The following SORCS1 variants were observed in gnomAD, a reference collection of about 807,000 sequenced individuals.
SORCS1 encodes VPS10 domain-containing receptor SorCS1.
In SORCS1, 60 loss-of-function variants were observed where a neutral mutation model predicts 146.1. That is an observed-to-expected ratio of 0.41 (90% confidence interval 0.33 to 0.51). SORCS1 has a LOEUF of 0.51. Among genes scored for constraint, SORCS1 ranks in the 20% least tolerant of loss-of-function variants. The pLI is 0.21. For synonymous variants in SORCS1, 637 were observed against 584.0 expected (o/e 1.09, Z -1.31); for missense variants, 1,352 against 1,487.6 (o/e 0.91, Z 1.50).
rs377282497 is a variant in SORCS1 at position 106,930,531 on chromosome 10, G to A, written c.626+25982C>T. Among the ~76,000 whole-genome samples the A allele has an allele frequency of 1.1e-4, 16 of 152,290 alleles. No homozygotes were observed. The South Asian group carries it at 2.7e-3, about 26-fold the overall frequency. Reference sequence around the variant, plus strand: ...AAGCTGGCATTGTATGTTCATGTGTGTATTTATGTATCTGAGCATCTCATT... The same window carrying A: ...AAGCTGGCATTGTATGTTCATGTGTATATTTATGTATCTGAGCATCTCATT... On this transcript the variant is annotated intron_variant, in intron 2 of 25. Coordinates refer to ENST00000263054, the MANE Select transcript of SORCS1 (RefSeq NM_052918.5).
At chr10:107,146,556 C>T (rs1968341112) in intron 1 of SORCS1, among the ~76,000 whole-genome samples, 1 of 152,138 alleles carries the variant, frequency 6.6e-6, no homozygotes, top group Admixed American at 6.5e-5. Context: ...AAATCCCCAG[C>T]ACCTGGTGTA....
At chr10:106,779,732 C>T (rs1860750253) in intron 3 of SORCS1, among the ~76,000 whole-genome samples, 1 of 152,036 alleles carries the variant, frequency 6.6e-6, no homozygotes, top group Non-Finnish European at 1.5e-5. Flanking sequence ...AGGTGATCTG[C>T]CTGCCTCAGC....
At position 107,060,628 on chromosome 10, in the gene SORCS1, C is replaced by A; in HGVS notation, c.558+103341G>T. On this transcript the variant is annotated intron_variant, in intron 1 of 25. Transcript: ENST00000263054. This position sits in a 1 kb window ranked among gnomAD's most constrained non-coding sequence, Gnocchi z 4.1. ...GCTGCCCAATCTATATCTTTGCCAA[C>A]AACCCTTTTCCCTTACTTTGTGATA... Among the ~76,000 whole-genome samples, 1 of 152,304 alleles carries A rather than the reference C, an allele frequency of 6.6e-6. No individual in the cohort carries two copies.
intron 2 of SORCS1, among the ~76,000 whole-genome samples, chr10:106,908,704 G>T (rs1390854806): frequency 6.6e-6 from 1 of 152,136 alleles, no homozygotes; most frequent in Non-Finnish European, 1.5e-5. Flanking sequence ...CATTAACAAT[G>T]GAGGAAGCCT....
At chr10:106,916,927 G>A (rs1208736473) in intron 2 of SORCS1, among the ~76,000 whole-genome samples, 1 of 152,076 alleles carries the variant, frequency 6.6e-6, no homozygotes, top group Non-Finnish European at 1.5e-5. Flanking sequence ...ATTTTTAGTA[G>A]AGACGGGGTT....
chr10:106,638,112 A>G (rs1848836740), intron 18 of SORCS1, among the ~76,000 whole-genome samples: 1 of 152,192 alleles, frequency 6.6e-6, no homozygotes, highest in Admixed American at 6.5e-5. Context: ...ATAATAAAGG[A>G]CATTGCTATA....
At chr10:106,723,964 T>G (rs1271674156) in intron 6 of SORCS1, among the ~76,000 whole-genome samples, 1 of 152,162 alleles carries the variant, frequency 6.6e-6, no homozygotes, top group East Asian at 1.9e-4. Context: ...AAAACAAATA[T>G]TTAATACCCT....
intron 14 of SORCS1, among the ~76,000 whole-genome samples, chr10:106,674,371 G>T (rs1259107948): frequency 7.7e-6 from 1 of 129,364 alleles, no homozygotes; most frequent in African/African-American, 2.7e-5. Context: ...GTAGTGGTAG[G>T]GGAGAGAATT....
intron 18 of SORCS1, among the ~76,000 whole-genome samples, chr10:106,645,922 T>A (rs1192726844): frequency 5.3e-5 from 8 of 152,136 alleles, no homozygotes; most frequent in Non-Finnish European, 1.0e-4. Flanking sequence ...TTTGAAATAA[T>A]GCCTTAAATA....
intron 1 of SORCS1, among the ~76,000 whole-genome samples, chr10:107,054,761 G>A (rs1005780169): frequency 6.6e-6 from 1 of 152,192 alleles, no homozygotes; most frequent in African/African-American, 2.4e-5. Flanking sequence ...AACCAGAGTT[G>A]TCTAAGTTGT....
rs760812204 is a variant in SORCS1 at position 106,891,504 on chromosome 10, C to CTTTTTTTTTT, written c.627-61841_627-61832dup. ...GTAATCAGAAGTTTCAATGGGAATT[C>CTTTTTTTTTT]TTTTTTTTTTTTTGAGAAAAGACCT... On this transcript the variant is annotated intron_variant, in intron 2 of 25. Coordinates refer to ENST00000263054, the MANE Select transcript of SORCS1 (RefSeq NM_052918.5). Among the ~76,000 whole-genome samples, 530 of 97,246 alleles carry CTTTTTTTTTT rather than the reference C, an allele frequency of 5.5e-3. 74 individuals are homozygous for CTTTTTTTTTT. The East Asian group carries it at 0.11, about 21-fold the overall frequency. 63.8% of individuals were successfully genotyped at this position (97,246 alleles called of 152,430 possible).
intron 2 of SORCS1, among the ~76,000 whole-genome samples, chr10:106,915,946 T>C (rs1589696921): frequency 6.6e-6 from 1 of 152,226 alleles, no homozygotes; most frequent in East Asian, 1.9e-4. Flanking sequence ...ATAAGAAAGG[T>C]GCAGGAAAAG....
intron 2 of SORCS1, among the ~76,000 whole-genome samples, chr10:106,880,416 A>C (rs1950764601): frequency 6.6e-6 from 1 of 152,222 alleles, no homozygotes; most frequent in South Asian, 2.1e-4. Flanking sequence ...AAGAGTTCCT[A>C]AATATGTCAC....
intron 5 of SORCS1, among the ~76,000 whole-genome samples, chr10:106,750,560 T>C (rs1361241934): frequency 4.8e-5 from 7 of 146,502 alleles, no homozygotes; most frequent in Non-Finnish European, 3.0e-5. Flanking sequence ...AAACCCCGTC[T>C]CTATTAAAAA....
chr10:107,157,779 CAG>C (rs1235665670), intron 1 of SORCS1, among the ~76,000 whole-genome samples: 21 of 152,314 alleles, frequency 1.4e-4, no homozygotes, highest in Admixed American at 1.1e-3. Flanking sequence ...ACAATCGGAG[CAG>C]AGTTTGAGCT....
At chr10:106,946,250 G>C (rs1360141576) in intron 2 of SORCS1, among the ~76,000 whole-genome samples, 1 of 152,162 alleles carries the variant, frequency 6.6e-6, no homozygotes. Context: ...AATAAGACCA[G>C]TTCTATTTTG....
intron 24 of SORCS1, among the ~76,000 whole-genome samples, chr10:106,586,745 C>A (rs1564746588): frequency 6.6e-6 from 1 of 152,092 alleles, no homozygotes; most frequent in Non-Finnish European, 1.5e-5. Context: ...CTCCTGAGGC[C>A]AAGAGTTTGA....
At chr10:106,685,638 G>A (rs901576514) in intron 10 of SORCS1, among the ~76,000 whole-genome samples, 1 of 152,130 alleles carries the variant, frequency 6.6e-6, no homozygotes, top group African/African-American at 2.4e-5. Context: ...TGAGTTCACA[G>A]TATGCAAAGA....
At chr10:106,722,632 A>G (rs1370010375) in intron 6 of SORCS1, among the ~76,000 whole-genome samples, 2 of 152,160 alleles carry the variant, frequency 1.3e-5, no homozygotes, top group African/African-American at 2.4e-5. Context: ...TTATTCATGA[A>G]AATAAACACT....
Sources: allele counts gnomAD v4.1 joint callset (sites outside exome capture counted in the v4.1 genomes callset), GRCh38; gene constraint gnomAD v4.1.1; non-coding constraint Gnocchi (gnomAD v3.1); transcripts MANE v1.5; gene names NCBI Gene and HGNC (gene_info 2026-07-23, HGNC 2026-07-21).